GOLGA4: variants seen among roughly 807,000 people sequenced by gnomAD.
GOLGA4 encodes the protein golgin subfamily A member 4.
Under a neutral mutation model 265.9 loss-of-function variants are expected in GOLGA4, and 169 were observed. The observed-to-expected ratio is 0.64, with a 90% CI of 0.56 to 0.72. The LOEUF is 0.72. Among genes scored for constraint, GOLGA4 ranks in the 30% least tolerant of loss-of-function variants. The probability of loss-of-function intolerance (pLI) is 0.00; values close to 1 mark genes in which losing one functional copy is unlikely to be tolerated. For missense variants in GOLGA4, 2,482 were observed against 2,483.4 expected (o/e 1.00, Z 0.01); for synonymous variants, 923 against 855.8 (o/e 1.08, Z -1.37).
intron 4 of GOLGA4, among the ~76,000 whole-genome samples, chr3:37,288,978 A>T (rs1170727160): frequency 6.6e-6 from 1 of 152,224 alleles, no homozygotes; most frequent in African/African-American, 2.4e-5. Flanking sequence ...TTACATGTCC[A>T]TGCATTTTAA....
Position 37,298,832 on chromosome 3 carries a change from G to A in GOLGA4, c.815-1G>A. Reference sequence around the variant, plus strand: ...CCCTTCTTATGTTGCTTTATTGTTAGTGGAAGATGGAACTTCTGTAAAAAC... The same window carrying A: ...CCCTTCTTATGTTGCTTTATTGTTAATGGAAGATGGAACTTCTGTAAAAAC... On this transcript the variant is annotated splice_acceptor_variant, in intron 7 of 23. Coordinates refer to ENST00000361924, the MANE Select transcript of GOLGA4 (RefSeq NM_002078.5). LOFTEE classifies it high-confidence loss of function. 1 of 1,599,080 alleles carries A rather than the reference G, an allele frequency of 6.3e-7. No homozygotes were observed. The highest frequency in any genetic ancestry group is 1.1e-5 in the South Asian group (1 of 88,010).
At chr3:37,278,739 CAT>C (rs1487512644) in intron 2 of GOLGA4, among the ~76,000 whole-genome samples, 1 of 151,426 alleles carries the variant, frequency 6.6e-6, no homozygotes, top group African/African-American at 2.4e-5. Context: ...GTGTATTAGA[CAT>C]ATATGAAACA....
rs201203661 is a variant in GOLGA4, at chr3:37,326,285, C to T, written c.4399C>T (p.Leu1467Phe). The change falls in exon 14 of 24, where the codon CTT becomes TTT. Residue 1467 changes from leucine (L) to phenylalanine (F), a missense_variant. By Grantham distance (22) the Leu-to-Phe change is conservative (BLOSUM62 0). Coordinates refer to ENST00000361924, the MANE Select transcript of GOLGA4 (RefSeq NM_002078.5). Reference protein sequence around the residue: ...QNTVKELQIQLELKSKEAYEK... With the variant: ...QNTVKELQIQFELKSKEAYEK... ...CACTGTTAAAGAATTGCAGATCCAG[C>T]TTGAGTTAAAATCAAAGGAAGCTTA... 1 of 1,612,436 alleles carries T rather than the reference C, an allele frequency of 6.2e-7. No homozygotes were observed. Among genetic ancestry groups the T allele is most frequent in the Middle Eastern group, 1.7e-4 (1 of 6,054 alleles).
chr3:37,265,709 A>G (rs1199546763), intron 2 of GOLGA4, among the ~76,000 whole-genome samples: 2 of 152,130 alleles, frequency 1.3e-5, no homozygotes, highest in African/African-American at 2.4e-5. Context: ...CACTGTTACT[A>G]TTTGTGGTAA....
rs2096980277 is a variant in GOLGA4 at position 37,328,667 on chromosome 3, C to T, written c.6061+130C>T. 4.4e-6 allele frequency: 4 copies of T among 907,278 alleles called. No individual in the cohort carries two copies. In the African/African-American group the frequency reaches 5.0e-5, roughly 11 times the overall value. 56.2% of individuals were successfully genotyped at this position (907,278 alleles called of 1,614,324 possible). ...GGAAGAAATAATCCTTGCCCAATAACATTCTCTAATGGGAACCTGCCCTGC... is the reference window on the plus strand; with the variant it reads ...GGAAGAAATAATCCTTGCCCAATAATATTCTCTAATGGGAACCTGCCCTGC... On this transcript the variant is annotated intron_variant, in intron 15 of 23. Coordinates refer to ENST00000361924, the MANE Select transcript of GOLGA4 (RefSeq NM_002078.5).
chr3:37,342,473 C>G (rs17199498), intron 20 of GOLGA4, among the ~76,000 whole-genome samples: 7,618 of 152,222 alleles, frequency 0.05, 266 homozygotes, highest in Non-Finnish European at 0.072. Flanking sequence ...ACTGTTTCCC[C>G]TGACTTTTCT....
At chr3:37,272,505 C>G (rs895863745) in intron 2 of GOLGA4, among the ~76,000 whole-genome samples, 1 of 152,108 alleles carries the variant, frequency 6.6e-6, no homozygotes, top group African/African-American at 2.4e-5. Flanking sequence ...TCATTGCACT[C>G]CATCTTGGGC....
rs2096961492 is a variant in GOLGA4, at chr3:37,323,657, G to T, written c.1771G>T (p.Ala591Ser). 3.8e-6 allele frequency: 6 copies of T among 1,592,484 alleles called. No homozygotes were observed. The highest frequency in any genetic ancestry group is 3.5e-5 in the South Asian group (3 of 85,752). Residue 591 changes from alanine (A) to serine (S), a missense_variant, in exon 14 of 24, where the codon GCT (alanine) becomes TCT (serine). Ala to Ser is a moderately conservative substitution (Grantham distance 99). Transcript: ENST00000361924. ...QENKNQSKDL[A>S]VHLEAEKNKH... ...AAACAAAAATCAGTCAAAAGATTTG[G>T]CTGTTCATCTGGAAGCTGAAAAAAA...
At chr3:37,300,679 A>G (rs532693923) in intron 9 of GOLGA4, among the ~76,000 whole-genome samples, 1 of 152,272 alleles carries the variant, frequency 6.6e-6, no homozygotes, top group African/African-American at 2.4e-5. Context: ...AAGAAATTTT[A>G]TCATTTTTTT....
intron 6 of GOLGA4, 150 bp from the exon 7 acceptor site, chr3:37,295,937 C>T (rs2096877023): frequency 1.5e-6 from 1 of 651,096 alleles, no homozygotes; most frequent in Non-Finnish European, 2.8e-6. Flanking sequence ...TATGCAAATA[C>T]TACACCATTT....
Position 37,326,583 on chromosome 3 carries a change from T to G in GOLGA4, c.4697T>G (p.Leu1566Arg). 6.2e-7 allele frequency: 1 copy of G among 1,613,098 alleles called. No individual in the cohort carries two copies. Among genetic ancestry groups the G allele is most frequent in the Non-Finnish European group, 8.5e-7 (1 of 1,179,452 alleles). Reference protein sequence around the residue: ...DIEHKELVQKLQHFQELGEEK... With the variant: ...DIEHKELVQKRQHFQELGEEK... ...GAACACAAAGAATTGGTTCAGAAAC[T>G]TCAACATTTTCAAGAGTTAGGAGAA... The change falls in exon 14 of 24, where the codon CTT becomes CGT. Residue 1566 changes from leucine (L) to arginine (R), a missense_variant. Coordinates refer to ENST00000361924, the MANE Select transcript of GOLGA4 (RefSeq NM_002078.5).
At position 37,326,854 on chromosome 3, in the gene GOLGA4, A is replaced by G. The variant is rs756301514; in HGVS notation, c.4968A>G (p.Leu1656=). 1.2e-6 allele frequency: 2 copies of G among 1,613,556 alleles called. No individual in the cohort carries two copies. The highest frequency in any genetic ancestry group is 1.3e-5 in the African/African-American group (1 of 74,860). Residue 1656 remains leucine, a synonymous_variant, in exon 14 of 24, where the codon TTA becomes TTG. Coordinates refer to ENST00000361924, the MANE Select transcript of GOLGA4 (RefSeq NM_002078.5). ...TTGCTGCCATTAAGAAGCAGTTGTTATCTCAAATGGAAGAGAAAGAAGAAC... is the reference window on the plus strand; with the variant it reads ...TTGCTGCCATTAAGAAGCAGTTGTTGTCTCAAATGGAAGAGAAAGAAGAAC... ...QKIAAIKKQL[L]SQMEEKEEQY...
intron 23 of GOLGA4, among the ~76,000 whole-genome samples, chr3:37,364,853 A>C (rs896810107): frequency 2.0e-5 from 3 of 151,578 alleles, no homozygotes; most frequent in African/African-American, 4.9e-5. Context: ...TGGTCTCCCA[A>C]AAGTGCTGGG....
In GOLGA4 at chr3:37,282,266, T is replaced by C. The variant is rs1209133903; in HGVS notation, c.471T>C (p.Tyr157=). ...ERSLSSYRGK[Y]SELVTAYQML... ...GCTTAAGTAGCTACAGGGGAAAATA[T>C]TCTGAGGTAGGAGCATGACCTTTTT... The change falls in exon 3 of 24, where the codon TAT becomes TAC. Residue 157 remains tyrosine, a synonymous_variant. Coordinates refer to ENST00000361924, the MANE Select transcript of GOLGA4 (RefSeq NM_002078.5). The C allele has an allele frequency of 1.2e-6, 2 of 1,613,042 alleles. No individual in the cohort carries two copies. Among genetic ancestry groups the C allele is most frequent in the South Asian group, 1.1e-5 (1 of 91,026 alleles).
chr3:37,274,580 G>A (rs900787539), intron 2 of GOLGA4, among the ~76,000 whole-genome samples: 2 of 152,034 alleles, frequency 1.3e-5, no homozygotes, highest in African/African-American at 4.8e-5. Flanking sequence ...TGTAATCCCA[G>A]CTATTCAGGG....
chr3:37,279,025 T>A (rs1253585509), intron 2 of GOLGA4, among the ~76,000 whole-genome samples: 1 of 152,108 alleles, frequency 6.6e-6, no homozygotes, highest in Non-Finnish European at 1.5e-5. Flanking sequence ...ATTGTTGAGT[T>A]TAGCAAATTA....
At chr3:37,264,749 C>T (rs1204987343) in intron 2 of GOLGA4, among the ~76,000 whole-genome samples, 2 of 152,012 alleles carry the variant, frequency 1.3e-5, no homozygotes, top group African/African-American at 2.4e-5. Context: ...CACTCTTTTG[C>T]TCAGGCTGGA....
At chr3:37,309,649 A>G (rs1174800988) in intron 10 of GOLGA4, among the ~76,000 whole-genome samples, 1 of 152,222 alleles carries the variant, frequency 6.6e-6, no homozygotes, top group African/African-American at 2.4e-5. Context: ...TTCTACCTAT[A>G]TTTTCCAAAA....
intron 21 of GOLGA4, among the ~76,000 whole-genome samples, chr3:37,350,439 C>T (rs2097070238): frequency 1.3e-5 from 2 of 152,102 alleles, no homozygotes; most frequent in African/African-American, 4.8e-5. Flanking sequence ...TATAAATGGA[C>T]TTTTTGGTAC....
Sources: allele counts gnomAD v4.1 joint callset (sites outside exome capture counted in the v4.1 genomes callset), GRCh38; gene constraint gnomAD v4.1.1; transcripts MANE v1.5; gene names NCBI Gene and HGNC (gene_info 2026-07-23, HGNC 2026-07-21).